DMTF1: variants seen among roughly 807,000 people sequenced by gnomAD.
The protein encoded by DMTF1 is cyclin D binding myb like transcription factor 1, also known as cyclin-D-binding Myb-like transcription factor 1.
DMTF1 carries 39 observed loss-of-function variants against 91.1 expected under a neutral mutation model. The observed-to-expected ratio is 0.43, with a 90% CI of 0.33 to 0.56. DMTF1 has a LOEUF of 0.56. Ranked by LOEUF, DMTF1 falls within the 20% of genes least tolerant of loss-of-function variation. DMTF1 has a pLI of 0.05. For missense variants in DMTF1, 750 were observed against 914.5 expected, an observed-to-expected ratio of 0.82 and a Z score of 2.32; for synonymous variants, 338 against 309.5, an observed-to-expected ratio of 1.09 and a Z score of -0.97.
chr7:87,184,306 C>A, intron 10 of DMTF1, 91 bp from the exon 11 acceptor site: 2 of 1,200,534 alleles, frequency 1.7e-6, no homozygotes, highest in Non-Finnish European at 2.4e-6. Flanking sequence ...AGTACTATTG[C>A]TTACTTCCTA....
At chr7:87,184,272 A>G in intron 10 of DMTF1, 125 bp from the exon 11 acceptor site, 3 of 824,432 alleles carry the variant, frequency 3.6e-6, no homozygotes, top group Non-Finnish European at 5.6e-6. Flanking sequence ...TTTCCACCAG[A>G]GGGTCATTCA....
chr7:87,193,227 A>G lies in DMTF1; in HGVS notation c.1524A>G (p.Pro508=). ...TCCATCTACAGCCCACTGGCACTCCAGGCACCTACCTACTTCAAACAAGCT... is the reference window on the plus strand; with the variant it reads ...TCCATCTACAGCCCACTGGCACTCCGGGCACCTACCTACTTCAAACAAGCT... ...PSFHLQPTGT[P]GTYLLQTSSS... is the part of the protein sequence containing the mutation. The change falls in exon 15 of 18, where the codon CCA becomes CCG. Residue 508 remains proline (P), a synonymous_variant. Transcript: ENST00000331242. The G allele has an allele frequency of 6.2e-7, 1 of 1,613,372 alleles. No homozygotes were observed. The highest frequency in any genetic ancestry group is 8.5e-7 in the Non-Finnish European group (1 of 1,179,522).
At chr7:87,173,488 T>TTTTTGTTTTGTTTTGTTTTG (rs201859268) in intron 5 of DMTF1, 47 bp from the exon 6 acceptor site, 11 of 1,280,848 alleles carry the variant, frequency 8.6e-6, no homozygotes, top group Non-Finnish European at 1.1e-5. Flanking sequence ...AGCTGCCATT[T>TTTTTGTTTTGTTTTGTTTTG]TTTTGTTTTG....
chr7:87,193,400 G>A (rs1436958384), intron 15 of DMTF1, 47 bp downstream of exon 15: 1 of 1,600,320 alleles, frequency 6.2e-7, no homozygotes, highest in East Asian at 2.2e-5. Context: ...TTATAGACCA[G>A]GATTAGTTGA....
chr7:87,174,968 ATTTAT>A (rs1562814768), intron 7 of DMTF1, among the ~76,000 whole-genome samples: 1 of 151,218 alleles, frequency 6.6e-6, no homozygotes, highest in Non-Finnish European at 1.5e-5. Context: ...ATAGAGTTTA[ATTTAT>A]TTTGTTTAAA....
At chr7:87,174,846 A>G (rs896167171) in intron 7 of DMTF1, among the ~76,000 whole-genome samples, 177 bp downstream of exon 7, 9 of 152,164 alleles carry the variant, frequency 5.9e-5, no homozygotes, top group Non-Finnish European at 1.2e-4. Context: ...GTACAATAAT[A>G]TTTTGAATTC....
intron 5 of DMTF1, among the ~76,000 whole-genome samples, chr7:87,172,332 G>T (rs1795260851): frequency 6.6e-6 from 1 of 152,148 alleles, no homozygotes. Context: ...ATTCACACTT[G>T]TTCCAGTGAT....
chr7:87,181,913 A>G, intron 9 of DMTF1: 2 of 858,286 alleles, frequency 2.3e-6, no homozygotes, highest in South Asian at 3.5e-5. Flanking sequence ...ATATGCTCAA[A>G]AGGGAAAGTC....
intron 11 of DMTF1, chr7:87,185,111 T>A: frequency 4.0e-6 from 1 of 247,456 alleles, no homozygotes; most frequent in African/African-American, 2.3e-5. Flanking sequence ...TCATACAAAT[T>A]CAAAAAAGCT....
chr7:87,194,648 AAT>A (rs1349332069), intron 16 of DMTF1, 34 bp from the exon 17 acceptor site: 18 of 1,505,852 alleles, frequency 1.2e-5, no homozygotes, highest in Middle Eastern at 1.8e-4. Flanking sequence ...GACTAGTAAG[AAT>A]ATGAGTCAAT....
At chr7:87,165,104 G>A in intron 3 of DMTF1, 54 bp downstream of exon 3, 3 of 1,393,386 alleles carry the variant, frequency 2.2e-6, no homozygotes, top group Non-Finnish European at 3.0e-6. Context: ...TGAATTCCAT[G>A]TCACTTTTGA....
chr7:87,160,112 C>G (rs922077850), intron 1 of DMTF1, among the ~76,000 whole-genome samples: 9 of 152,098 alleles, frequency 5.9e-5, no homozygotes, highest in African/African-American at 2.2e-4. Flanking sequence ...ACTTTCTACT[C>G]TACTATCACA....
At chr7:87,159,861 A>T (rs1462163527) in intron 1 of DMTF1, among the ~76,000 whole-genome samples, 3 of 152,244 alleles carry the variant, frequency 2.0e-5, no homozygotes, top group Non-Finnish European at 4.4e-5. Context: ...AATATAGAAA[A>T]GGTACAGTAA....
chr7:87,191,807 G>A (rs921468689), intron 14 of DMTF1, among the ~76,000 whole-genome samples: 1 of 151,986 alleles, frequency 6.6e-6, no homozygotes, highest in African/African-American at 2.4e-5. Context: ...ATGACTGAAT[G>A]CCCTTTCTAA....
chr7:87,190,091 G>A (rs1031490685), intron 13 of DMTF1, among the ~76,000 whole-genome samples: 4 of 151,924 alleles, frequency 2.6e-5, no homozygotes, highest in African/African-American at 7.2e-5. Flanking sequence ...GACTGCAAGC[G>A]CCAAAAAAGA....
chr7:87,180,069 G>A (rs922344982), intron 8 of DMTF1, among the ~76,000 whole-genome samples: 1 of 152,184 alleles, frequency 6.6e-6, no homozygotes, highest in African/African-American at 2.4e-5. Flanking sequence ...TCCTAGGTCA[G>A]TGGCCTTTTT....
At chr7:87,156,830 A>G (rs184491842) in intron 1 of DMTF1, among the ~76,000 whole-genome samples, 4 of 152,162 alleles carry the variant, frequency 2.6e-5, no homozygotes, top group Non-Finnish European at 5.9e-5. Context: ...TTTTTAAAGC[A>G]TTAGTTATAC....
chr7:87,185,495 T>C (rs1173534871), intron 11 of DMTF1, among the ~76,000 whole-genome samples: 2 of 152,244 alleles, frequency 1.3e-5, no homozygotes, highest in Non-Finnish European at 2.9e-5. Flanking sequence ...TGCCACACTA[T>C]GAAACATTGC....
At chr7:87,152,693 C>T (rs927394462) in intron 1 of DMTF1, 138 bp downstream of exon 1, 1 of 153,166 alleles carries the variant, frequency 6.5e-6, no homozygotes, top group African/African-American at 2.4e-5. Context: ...CGGGCGGGGT[C>T]GGAGCCTGGC....
Sources: allele counts gnomAD v4.1 joint callset (sites outside exome capture counted in the v4.1 genomes callset), GRCh38; gene constraint gnomAD v4.1.1; transcripts MANE v1.5; gene names NCBI Gene and HGNC (gene_info 2026-07-23, HGNC 2026-07-21).